The following CHRM3 variants were observed in gnomAD, a reference collection of about 807,000 sequenced individuals.
CHRM3 encodes cholinergic receptor muscarinic 3.
In CHRM3, 11 loss-of-function variants were observed where a neutral mutation model predicts 41.8. The observed-to-expected ratio is 0.26, with a 90% CI of 0.17 to 0.44. The LOEUF is 0.44. Ranked by LOEUF, CHRM3 falls within the 20% of genes least tolerant of loss-of-function variation. The pLI is 1.00. For synonymous variants in CHRM3, 297 were observed against 301.4 expected, an observed-to-expected ratio of 0.99 and a Z score of 0.15; for missense variants, 571 against 745.4, an observed-to-expected ratio of 0.77 and a Z score of 2.72.
At chr1:239,427,486 A>G (rs907530904) in intron 1 of CHRM3, among the ~76,000 whole-genome samples, 1 of 152,126 alleles carries the variant, frequency 6.6e-6, no homozygotes, top group Non-Finnish European at 1.5e-5. Flanking sequence ...AGAGCCTAGC[A>G]GGGAAGGAGC....
chr1:239,722,477 C>G (rs928451863), intron 5 of CHRM3, among the ~76,000 whole-genome samples: 4 of 151,894 alleles, frequency 2.6e-5, no homozygotes, highest in Non-Finnish European at 5.9e-5. Context: ...ATAACAAAAT[C>G]TTAAGACTTA....
chr1:239,853,521 C>T (rs1328789715), intron 6 of CHRM3, among the ~76,000 whole-genome samples: 1 of 151,756 alleles, frequency 6.6e-6, no homozygotes, highest in South Asian at 2.1e-4. Flanking sequence ...TAATAAAACT[C>T]TCTAAGTTCC....
intron 5 of CHRM3, among the ~76,000 whole-genome samples, chr1:239,702,020 C>G (rs374786007): frequency 6.6e-6 from 1 of 152,088 alleles, no homozygotes; most frequent in Non-Finnish European, 1.5e-5. Flanking sequence ...CTTTATAGTT[C>G]TAGTCATGTC....
chr1:239,841,287 T>G (rs1210985194), intron 6 of CHRM3, among the ~76,000 whole-genome samples: 1 of 152,160 alleles, frequency 6.6e-6, no homozygotes, highest in Non-Finnish European at 1.5e-5. Flanking sequence ...TGTTAGAAGT[T>G]TCAGAAGGCA....
intron 4 of CHRM3, among the ~76,000 whole-genome samples, chr1:239,665,408 A>T (rs181780351): frequency 1.0e-3 from 154 of 152,222 alleles, no homozygotes; most frequent in African/African-American, 3.0e-3. Flanking sequence ...CATTGGTCTT[A>T]AAGGTTATCA....
chr1:239,552,732 C>G (rs1666595001), intron 3 of CHRM3, among the ~76,000 whole-genome samples: 1 of 150,802 alleles, frequency 6.6e-6, no homozygotes, highest in Non-Finnish European at 1.5e-5. Flanking sequence ...CTCAAGAGAT[C>G]CTCCCTTCTT....
intron 4 of CHRM3, among the ~76,000 whole-genome samples, chr1:239,649,060 A>G (rs555026822): frequency 4.1e-4 from 62 of 152,314 alleles, no homozygotes; most frequent in Admixed American, 6.5e-4. Context: ...TGATTATAAG[A>G]GTAATACAGT....
chr1:239,692,098 A>T (rs571535536), intron 5 of CHRM3, among the ~76,000 whole-genome samples: 3 of 152,302 alleles, frequency 2.0e-5, no homozygotes, highest in East Asian at 3.9e-4. Flanking sequence ...GCTCTTAGGC[A>T]TCTTGAGCAA....
chr1:239,845,552 A>ATGTAGT (rs1674193744), intron 6 of CHRM3, among the ~76,000 whole-genome samples: 1 of 152,118 alleles, frequency 6.6e-6, no homozygotes, highest in Admixed American at 6.6e-5. Flanking sequence ...GTGGCGTGTC[A>ATGTAGT]CCCGCCCAGC....
intron 1 of CHRM3, among the ~76,000 whole-genome samples, chr1:239,390,857 C>T (rs1658971308): frequency 6.6e-6 from 1 of 152,178 alleles, no homozygotes; most frequent in African/African-American, 2.4e-5. Flanking sequence ...TAATTTTGGT[C>T]TGGGCACAGT....
At chr1:239,600,946 T>C (rs1258621229) in intron 3 of CHRM3, among the ~76,000 whole-genome samples, 1 of 152,164 alleles carries the variant, frequency 6.6e-6, no homozygotes, top group African/African-American at 2.4e-5. Flanking sequence ...CTCCATATAG[T>C]GCAACAAAGT....
At chr1:239,486,870 A>G (rs1334605547) in intron 1 of CHRM3, among the ~76,000 whole-genome samples, 1 of 152,132 alleles carries the variant, frequency 6.6e-6, no homozygotes, top group East Asian at 1.9e-4. Flanking sequence ...AAAGGTGACA[A>G]TTTCCTGGAT....
intron 6 of CHRM3, among the ~76,000 whole-genome samples, chr1:239,892,562 G>A (rs1387897659): frequency 6.6e-6 from 1 of 152,164 alleles, no homozygotes; most frequent in East Asian, 1.9e-4. Context: ...TATGATGTGG[G>A]ACAGATGGTT....
intron 1 of CHRM3, among the ~76,000 whole-genome samples, chr1:239,465,789 G>A (rs775258044): frequency 1.3e-5 from 2 of 152,038 alleles, no homozygotes; most frequent in Admixed American, 6.6e-5. Flanking sequence ...GTTCACTTAC[G>A]TGAGAATTTT....
At chr1:239,774,145 T>A (rs1322079849) in intron 5 of CHRM3, among the ~76,000 whole-genome samples, 1 of 152,156 alleles carries the variant, frequency 6.6e-6, no homozygotes. Flanking sequence ...TGTCCCGTGA[T>A]CAACATGCCA....
At chr1:239,881,849 G>C (rs547735870) in intron 6 of CHRM3, among the ~76,000 whole-genome samples, 1 of 152,174 alleles carries the variant, frequency 6.6e-6, no homozygotes, top group South Asian at 2.1e-4. Context: ...GAGGTATTTA[G>C]ATATATAGAG....
chr1:239,567,019 G>A (rs899373379), intron 3 of CHRM3, among the ~76,000 whole-genome samples: 1 of 152,162 alleles, frequency 6.6e-6, no homozygotes, highest in African/African-American at 2.4e-5. Flanking sequence ...TTGAAGGATT[G>A]AATGGAGCAA....
chr1:239,648,703 A>T (rs1671963442), intron 4 of CHRM3, among the ~76,000 whole-genome samples: 1 of 152,186 alleles, frequency 6.6e-6, no homozygotes, highest in Admixed American at 6.5e-5. Flanking sequence ...ACAGTGGATG[A>T]GCATGGAAAG....
At chr1:239,754,929 G>A (rs1666121445) in intron 5 of CHRM3, among the ~76,000 whole-genome samples, 1 of 152,178 alleles carries the variant, frequency 6.6e-6, no homozygotes, top group South Asian at 2.1e-4. Flanking sequence ...TAATTCTCAT[G>A]TTAAGATCAT....
Sources: gnomAD v4.1 joint callset for allele counts (sites outside exome capture counted in the v4.1 genomes callset) on GRCh38, gnomAD v4.1.1 for gene constraint, MANE v1.5 for transcripts, NCBI Gene and HGNC (gene_info 2026-07-23, HGNC 2026-07-21) for gene names.